The following GRM7 variants were observed in gnomAD, a reference collection of about 807,000 sequenced individuals.
GRM7 encodes the protein glutamate metabotropic receptor 7.
Under a neutral mutation model 84.5 loss-of-function variants are expected in GRM7, and 35 were observed. The ratio of observed to expected loss-of-function variants is 0.41; its 90% CI spans 0.32 to 0.55. The LOEUF (loss-of-function observed/expected upper bound fraction) is 0.55. GRM7 is among the 20% of genes least tolerant of loss of function. The pLI is 0.19. For synonymous variants in GRM7, 487 were observed against 455.1 expected (o/e 1.07, Z -0.89); for missense variants, 1,003 against 1,194.6 (o/e 0.84, Z 2.36).
chr3:7,533,069 C>T (rs555404006), intron 7 of GRM7, among the ~76,000 whole-genome samples: 1 of 152,198 alleles, frequency 6.6e-6, no homozygotes, highest in South Asian at 2.1e-4. Context: ...ACCCCACTGT[C>T]AATATTAGAC....
chr3:7,731,203 A>G (rs916656874), intron 9 of GRM7, among the ~76,000 whole-genome samples: 1 of 152,164 alleles, frequency 6.6e-6, no homozygotes, highest in Non-Finnish European at 1.5e-5. Context: ...AGAGGGGGAA[A>G]AAAAGAATGC....
intron 1 of GRM7, among the ~76,000 whole-genome samples, chr3:7,077,561 G>A (rs1431354935): frequency 2.0e-5 from 3 of 148,866 alleles, no homozygotes; most frequent in African/African-American, 5.0e-5. Context: ...ATCACACACT[G>A]GGGCCTGTCG....
chr3:7,046,024 A>G (rs1696794524), intron 1 of GRM7, among the ~76,000 whole-genome samples: 1 of 152,058 alleles, frequency 6.6e-6, no homozygotes, highest in Non-Finnish European at 1.5e-5. Context: ...CCTTTTCTCC[A>G]TATCTTTGCC....
intron 1 of GRM7, among the ~76,000 whole-genome samples, chr3:7,130,261 G>C (rs572949639): frequency 2.8e-4 from 43 of 152,032 alleles, no homozygotes; most frequent in Non-Finnish European, 4.6e-4. Flanking sequence ...CATGGCTTAT[G>C]GGATGGGCCT....
At chr3:6,970,871 A>G (rs1486482855) in intron 1 of GRM7, among the ~76,000 whole-genome samples, 1 of 152,034 alleles carries the variant, frequency 6.6e-6, no homozygotes, top group African/African-American at 2.4e-5. Flanking sequence ...AGTCCCAGCT[A>G]CTCGGGAGGC....
At chr3:6,909,725 G>A (rs867021498) in intron 1 of GRM7, among the ~76,000 whole-genome samples, 6 of 151,894 alleles carry the variant, frequency 4.0e-5, no homozygotes, top group Admixed American at 1.3e-4. Flanking sequence ...TTCCCTTTGG[G>A]TCTAGACTCG....
intron 1 of GRM7, among the ~76,000 whole-genome samples, chr3:7,072,050 T>C (rs1410928167): frequency 1.3e-5 from 2 of 152,138 alleles, no homozygotes; most frequent in Admixed American, 6.6e-5. Flanking sequence ...CTTTCATGGA[T>C]GGATTCACAT....
intron 5 of GRM7, among the ~76,000 whole-genome samples, chr3:7,438,419 G>A (rs892362877): frequency 2.6e-5 from 4 of 151,970 alleles, no homozygotes; most frequent in Non-Finnish European, 4.4e-5. Flanking sequence ...GAATGTATCA[G>A]TGAGAATCCA....
intron 4 of GRM7, among the ~76,000 whole-genome samples, chr3:7,411,973 C>T (rs1695957479): frequency 6.6e-6 from 1 of 151,784 alleles, no homozygotes; most frequent in Admixed American, 6.6e-5. Flanking sequence ...CTTCTCTCCC[C>T]TCCCCTCCCC....
intron 2 of GRM7, among the ~76,000 whole-genome samples, chr3:7,256,112 G>A (rs1698187134): frequency 6.6e-6 from 1 of 152,068 alleles, no homozygotes; most frequent in African/African-American, 2.4e-5. Flanking sequence ...CAGAGCCCTT[G>A]TCTGGTGTTT....
At chr3:7,671,137 T>C (rs1270711141) in intron 8 of GRM7, among the ~76,000 whole-genome samples, 1 of 152,072 alleles carries the variant, frequency 6.6e-6, no homozygotes, top group Non-Finnish European at 1.5e-5. Flanking sequence ...GAAATCAAAA[T>C]TGAGGAGTCA....
intron 1 of GRM7, among the ~76,000 whole-genome samples, chr3:7,092,132 C>G (rs544577203): frequency 1.3e-5 from 2 of 152,064 alleles, no homozygotes; most frequent in Non-Finnish European, 2.9e-5. Flanking sequence ...CCTCAACCTC[C>G]GGAGAAGCTG....
chr3:7,676,750 A>G (rs162206), intron 8 of GRM7, among the ~76,000 whole-genome samples: 4,114 of 152,274 alleles, frequency 0.027, 77 homozygotes, highest in Middle Eastern at 0.078. Flanking sequence ...ATACATAAAT[A>G]CCACTGTGTT....
chr3:7,487,525 G>A (rs540718487), intron 7 of GRM7, among the ~76,000 whole-genome samples: 1 of 152,282 alleles, frequency 6.6e-6, no homozygotes, highest in African/African-American at 2.4e-5. Context: ...TCTAGTTGCT[G>A]CTCCTCACGT....
intron 5 of GRM7, among the ~76,000 whole-genome samples, chr3:7,448,088 T>C (rs1697601817): frequency 6.6e-6 from 1 of 151,994 alleles, no homozygotes; most frequent in Admixed American, 6.6e-5. Flanking sequence ...CTCATCATTT[T>C]TTATGGCCGC....
At chr3:7,585,007 C>T (rs1695452858) in intron 8 of GRM7, among the ~76,000 whole-genome samples, 1 of 152,186 alleles carries the variant, frequency 6.6e-6, no homozygotes, top group South Asian at 2.1e-4. Context: ...CACACATTTA[C>T]ACACATACCC....
intron 2 of GRM7, among the ~76,000 whole-genome samples, chr3:7,166,604 C>G (rs998357514): frequency 1.3e-5 from 2 of 150,636 alleles, no homozygotes; most frequent in Non-Finnish European, 3.0e-5. Context: ...ACCTGGGACT[C>G]TAGCCCAGAA....
intron 9 of GRM7, among the ~76,000 whole-genome samples, chr3:7,705,834 G>T (rs1467626338): frequency 6.6e-6 from 1 of 152,154 alleles, no homozygotes; most frequent in Non-Finnish European, 1.5e-5. Flanking sequence ...AAGAGCATTG[G>T]GAGGACATTT....
intron 2 of GRM7, among the ~76,000 whole-genome samples, chr3:7,225,593 T>C (rs1247731812): frequency 6.7e-6 from 1 of 148,818 alleles, no homozygotes; most frequent in Admixed American, 6.7e-5. Context: ...AATATATACT[T>C]TCTAAATTAA....
Sources: gnomAD v4.1 joint callset for allele counts (sites outside exome capture counted in the v4.1 genomes callset) on GRCh38, gnomAD v4.1.1 for gene constraint, MANE v1.5 for transcripts, NCBI Gene and HGNC (gene_info 2026-07-23, HGNC 2026-07-21) for gene names.